The following TUT1 variants were observed in gnomAD, a reference collection of about 807,000 sequenced individuals.
TUT1 encodes the protein speckle targeted PIP5K1A-regulated poly(A) polymerase.
Under a neutral mutation model 48.8 loss-of-function variants are expected in TUT1, and 26 were observed. The ratio of observed to expected loss-of-function variants is 0.53; its 90% CI spans 0.39 to 0.74. TUT1 has a LOEUF of 0.74. TUT1 is among the 30% of genes least tolerant of loss of function. The probability of loss-of-function intolerance (pLI) is 0.00; values close to 1 mark genes in which losing one functional copy is unlikely to be tolerated. For missense variants in TUT1, 1,065 were observed against 1,114.8 expected (o/e 0.96, Z 0.64); for synonymous variants, 470 against 460.8 (o/e 1.02, Z -0.26).
At chr11:62,581,945 A>G (rs542875313) in intron 2 of TUT1, among the ~76,000 whole-genome samples, 1 of 152,022 alleles carries the variant, frequency 6.6e-6, no homozygotes, top group Non-Finnish European at 1.5e-5. Flanking sequence ...CAGGAGTTGG[A>G]GACCAACCAG....
At chr11:62,581,277 C>A in intron 3 of TUT1, 71 bp from the exon 4 acceptor site, 1 of 1,575,712 alleles carries the variant, frequency 6.3e-7, no homozygotes, top group South Asian at 1.1e-5. Flanking sequence ...AAACAGAGCA[C>A]AAAGATGGAA....
At chr11:62,580,981 A>T in intron 4 of TUT1, 125 bp downstream of exon 4, 1 of 714,128 alleles carries the variant, frequency 1.4e-6, no homozygotes, top group Non-Finnish European at 2.5e-6. Flanking sequence ...AAACTCTTTC[A>T]GGTAGGTCCT....
At chr11:62,577,586 G>GAA (rs11389501) in intron 5 of TUT1, among the ~76,000 whole-genome samples, 59 of 104,116 alleles carry the variant, frequency 5.7e-4, no homozygotes, top group Non-Finnish European at 7.6e-4. Context: ...TCCCATGTCA[G>GAA]AAAAAAAAAA....
intron 5 of TUT1, among the ~76,000 whole-genome samples, chr11:62,577,835 GC>G (rs1301394247): frequency 2.0e-5 from 3 of 151,754 alleles, no homozygotes; most frequent in East Asian, 3.9e-4. Flanking sequence ...GCCGAGGCGG[GC>G]AGATCACCTG....
At position 62,581,494 on chromosome 11, in the gene TUT1, C is replaced by A; in HGVS notation, c.481G>T (p.Ala161Ser). 4 of 1,614,140 alleles carry A rather than the reference C, an allele frequency of 2.5e-6. No individual in the cohort carries two copies. Among genetic ancestry groups the A allele is most frequent in the Non-Finnish European group, 3.4e-6 (4 of 1,180,020 alleles). ...AGCCCCACAAGCTTTATCATTTGTG[C>A]CCCCACGTCTGCAGCCTCAGCTAGC... is the stretch of plus-strand genomic sequence containing the variant. The part of the protein sequence containing the change: ...KALAEAADVG[A>S]QMIKLVGLRE... The change falls in exon 3 of 9, where the codon GCA becomes TCA. Residue 161 changes from alanine (A) to serine (S), a missense_variant. Transcript: ENST00000476907.
intron 2 of TUT1, among the ~76,000 whole-genome samples, chr11:62,585,812 C>T (rs1367206410): frequency 1.3e-5 from 2 of 151,762 alleles, no homozygotes; most frequent in Non-Finnish European, 2.9e-5. Context: ...AATAAATAAA[C>T]AGGCCTGGCA....
chr11:62,577,323 C>T (rs755766467), intron 5 of TUT1, 32 bp from the exon 6 acceptor site: 4 of 1,568,480 alleles, frequency 2.6e-6, no homozygotes, highest in East Asian at 2.2e-5. Flanking sequence ...GGTGTTAGCG[C>T]TTGGGGATGT....
In TUT1 at chr11:62,591,493, C is replaced by G. The variant is rs1037320594; in HGVS notation, c.-8G>C. On this transcript the variant is annotated 5_prime_UTR_variant, in exon 1 of 9. Transcript: ENST00000476907. ...CGAATCCACCGCCGCCATAGCGACT[C>G]TCCTGTACCGACAAAAACACAAGCA... is the stretch of plus-strand genomic sequence containing the variant. The G allele has an allele frequency of 3.1e-6, 5 of 1,614,058 alleles. No homozygotes were observed. Among genetic ancestry groups the G allele is most frequent in the Middle Eastern group, 1.6e-4 (1 of 6,062 alleles).
At chr11:62,582,459 G>A in intron 2 of TUT1, 1 of 320,762 alleles carries the variant, frequency 3.1e-6, no homozygotes. Context: ...AGCCAGGCAT[G>A]GCAGCACACA....
chr11:62,590,319 C>A (rs1168337492), intron 1 of TUT1, among the ~76,000 whole-genome samples: 1 of 152,190 alleles, frequency 6.6e-6, no homozygotes, highest in Non-Finnish European at 1.5e-5. Context: ...ATGGTGAAAA[C>A]CCATCTCTAC....
Position 62,578,806 on chromosome 11 carries a change from C to G in TUT1, c.915G>C (p.Leu305=). The change falls in exon 5 of 9, where the codon CTG becomes CTC. Residue 305 remains leucine, a synonymous_variant. Transcript: ENST00000476907. ...CCTCTAGCAGTGGTGAAGCTGGAGGCAGAGACTGGGGAGAAGCAAGGGTCT... is the reference window on the plus strand; with the variant it reads ...CCTCTAGCAGTGGTGAAGCTGGAGGGAGAGACTGGGGAGAAGCAAGGGTCT... ...ASETLASPQS[L]PPASPLLEDR... 1 of 1,614,116 alleles carries G rather than the reference C, an allele frequency of 6.2e-7. No homozygotes were observed. The highest frequency in any genetic ancestry group is 8.5e-7 in the Non-Finnish European group (1 of 1,180,012).
intron 2 of TUT1, among the ~76,000 whole-genome samples, chr11:62,586,085 TC>T (rs1456887910): frequency 5.9e-5 from 9 of 152,196 alleles, no homozygotes; most frequent in African/African-American, 1.9e-4. Flanking sequence ...GCCACTGCAT[TC>T]CAGCCTGGGC....
chr11:62,583,531 G>A (rs1941864533), intron 2 of TUT1, among the ~76,000 whole-genome samples: 1 of 152,076 alleles, frequency 6.6e-6, no homozygotes, highest in South Asian at 2.1e-4. Flanking sequence ...CCGGGAGGCG[G>A]AGGTTACTGT....
rs756918831 is a variant in TUT1 at position 62,581,457 on chromosome 11, G to A, written c.518C>T (p.Ser173Phe). 5.0e-6 allele frequency: 8 copies of A among 1,614,000 alleles called. No individual in the cohort carries two copies. The highest frequency in any genetic ancestry group is 1.7e-5 in the Admixed American group (1 of 59,988). The change falls in exon 3 of 9, where the codon TCC (serine) becomes TTC (phenylalanine). Residue 173 changes from serine (S) to phenylalanine (F), a missense_variant. Coordinates refer to ENST00000476907, the MANE Select transcript of TUT1 (RefSeq NM_022830.3). ...MIKLVGLREL[S>F]EAERQLRSLV... ...GCTGCGAAGCTGCCGCTCGGCCTCG[G>A]ACAACTCCCTCAGCCCCACAAGCTT...
At chr11:62,581,353 G>C in intron 3 of TUT1, 33 bp downstream of exon 3, 1 of 1,576,426 alleles carries the variant, frequency 6.3e-7, no homozygotes, top group Non-Finnish European at 8.6e-7. Flanking sequence ...AAAGGCCAGG[G>C]AGGGCTCAGA....
intron 2 of TUT1, among the ~76,000 whole-genome samples, chr11:62,588,218 CA>C (rs1287566461): frequency 5.9e-5 from 9 of 152,226 alleles, no homozygotes; most frequent in African/African-American, 2.2e-4. Context: ...ATGACACACA[CA>C]AAAAAATCCC....
chr11:62,589,416 A>AT (rs1941972980), intron 1 of TUT1, among the ~76,000 whole-genome samples, 195 bp from the exon 2 acceptor site: 2 of 149,948 alleles, frequency 1.3e-5, no homozygotes, highest in African/African-American at 4.9e-5. Context: ...TTTTTAATTT[A>AT]TTTTTTTTAA....
At chr11:62,587,746 A>C (rs952585426) in intron 2 of TUT1, among the ~76,000 whole-genome samples, 10 of 152,232 alleles carry the variant, frequency 6.6e-5, no homozygotes, top group Non-Finnish European at 1.5e-5. Context: ...CCTGGGCTGC[A>C]AAGGGATATT....
chr11:62,591,379 G>A (rs1382964199), intron 1 of TUT1, 25 bp downstream of exon 1: 1 of 1,530,134 alleles, frequency 6.5e-7, no homozygotes, highest in East Asian at 2.4e-5. Flanking sequence ...AACCACCCCC[G>A]GGTCCCTCAC....
Sources: allele counts gnomAD v4.1 joint callset (sites outside exome capture counted in the v4.1 genomes callset), GRCh38; gene constraint gnomAD v4.1.1; transcripts MANE v1.5; gene names NCBI Gene and HGNC (gene_info 2026-07-23, HGNC 2026-07-21).